Variants in TRAPPC9 observed in about 807,000 individuals in gnomAD.
TRAPPC9 encodes trafficking protein particle complex subunit 9.
Under a neutral mutation model 124.0 loss-of-function variants are expected in TRAPPC9, and 83 were observed. That is an observed-to-expected ratio of 0.67 (90% CI 0.56 to 0.80). The LOEUF is 0.80. TRAPPC9 is among the 30% of genes least tolerant of loss of function. The pLI is 0.00. For synonymous variants in TRAPPC9, 638 were observed against 617.5 expected, an observed-to-expected ratio of 1.03 and a Z score of -0.49; for missense variants, 1,302 against 1,508.3, an observed-to-expected ratio of 0.86 and a Z score of 2.27.
At chr8:139,836,526 T>C (rs1426040194) in intron 21 of TRAPPC9, among the ~76,000 whole-genome samples, 2 of 152,218 alleles carry the variant, frequency 1.3e-5, no homozygotes, top group Admixed American at 6.5e-5. Flanking sequence ...AGCCCAGGCC[T>C]GCATGAAGCC....
intron 9 of TRAPPC9, among the ~76,000 whole-genome samples, chr8:140,325,080 A>C (rs1357203719): frequency 6.6e-6 from 1 of 152,234 alleles, no homozygotes; most frequent in Non-Finnish European, 1.5e-5. Context: ...CAAATACCTG[A>C]AAAGTAAGCA....
At chr8:140,149,395 G>T (rs573076873) in intron 17 of TRAPPC9, among the ~76,000 whole-genome samples, 107 of 152,300 alleles carry the variant, frequency 7.0e-4, no homozygotes, top group Admixed American at 1.7e-3. Flanking sequence ...CAAGGTGGGT[G>T]GATCACTTGA....
chr8:140,347,422 A>C (rs1298637940), intron 9 of TRAPPC9, among the ~76,000 whole-genome samples: 1 of 152,240 alleles, frequency 6.6e-6, no homozygotes, highest in African/African-American at 2.4e-5. Context: ...ATGTGCACTG[A>C]CAAAGACTCT....
chr8:139,826,656 C>T (rs1825665270), intron 21 of TRAPPC9, among the ~76,000 whole-genome samples: 1 of 152,202 alleles, frequency 6.6e-6, no homozygotes, highest in South Asian at 2.1e-4. Context: ...GTGAGGCTGT[C>T]AGCCTGGCCC....
intron 18 of TRAPPC9, among the ~76,000 whole-genome samples, chr8:140,012,478 C>T (rs193070431): frequency 1.7e-3 from 264 of 152,348 alleles, no homozygotes; most frequent in Non-Finnish European, 2.1e-3. Flanking sequence ...AGGCTTGCCA[C>T]GCATCAGGCA....
At chr8:140,411,056 G>T (rs972286185) in intron 5 of TRAPPC9, among the ~76,000 whole-genome samples, 5 of 152,106 alleles carry the variant, frequency 3.3e-5, no homozygotes, top group African/African-American at 1.2e-4. Context: ...AGCACCCTGT[G>T]TATTTATCCT....
Position 140,061,371 on chromosome 8 carries a change from C to T in TRAPPC9, c.2557-37292G>A, listed in dbSNP as rs192043378. Reference sequence around the variant, plus strand: ...TTGATTCTTCTAATCAAGAGCATTTCGTGAATACCTAATATGTGCCAGATG... The same window carrying T: ...TTGATTCTTCTAATCAAGAGCATTTTGTGAATACCTAATATGTGCCAGATG... On this transcript the variant is annotated intron_variant, in intron 17 of 22. Coordinates refer to ENST00000438773, the MANE Select transcript of TRAPPC9 (RefSeq NM_001160372.4). Among the ~76,000 whole-genome samples, 29 of 152,242 alleles carry T rather than the reference C, an allele frequency of 1.9e-4. No homozygotes were observed. In the East Asian group the frequency reaches 3.9e-3, roughly 20 times the overall value.
chr8:139,862,528 G>A (rs897036500), intron 21 of TRAPPC9, among the ~76,000 whole-genome samples: 1 of 152,224 alleles, frequency 6.6e-6, no homozygotes, highest in African/African-American at 2.4e-5. Context: ...CTTCAAAGGG[G>A]CCCAGAGGCG....
At chr8:140,336,467 A>G (rs1478148260) in intron 9 of TRAPPC9, among the ~76,000 whole-genome samples, 1 of 152,140 alleles carries the variant, frequency 6.6e-6, no homozygotes, top group Non-Finnish European at 1.5e-5. Context: ...TAGAAAATGC[A>G]CCACTTCTTT....
chr8:140,303,422 C>T (rs1037114305), intron 10 of TRAPPC9, among the ~76,000 whole-genome samples: 2 of 152,226 alleles, frequency 1.3e-5, no homozygotes, highest in Admixed American at 1.3e-4. Flanking sequence ...TTACTAGGGG[C>T]CTGATAGACT....
intron 11 of TRAPPC9, among the ~76,000 whole-genome samples, chr8:140,292,787 T>C (rs940390073): frequency 3.4e-5 from 5 of 147,898 alleles, no homozygotes; most frequent in East Asian, 1.9e-4. Flanking sequence ...GGCAATACCA[T>C]TCAGGACATA....
At chr8:140,390,205 TG>T (rs1363505908) in intron 7 of TRAPPC9, among the ~76,000 whole-genome samples, 1 of 152,050 alleles carries the variant, frequency 6.6e-6, no homozygotes, top group Non-Finnish European at 1.5e-5. Flanking sequence ...CTTGTGAGGC[TG>T]AGGCAGGAGA....
intron 21 of TRAPPC9, among the ~76,000 whole-genome samples, chr8:139,780,664 A>C (rs1821749762): frequency 6.6e-6 from 1 of 152,188 alleles, no homozygotes; most frequent in Non-Finnish European, 1.5e-5. Context: ...CAGTGAAAGA[A>C]AGAACTGGTA....
In TRAPPC9 at chr8:140,280,833, G is replaced by A. The variant is rs182744492; in HGVS notation, c.2114+3056C>T. ...ACACCACTGGCAGTCTCAGGCAGCC[G>A]CTGAGCTGTGTCCTGCCACTAGAGA... On this transcript the variant is annotated intron_variant, in intron 14 of 22. Coordinates refer to ENST00000438773, the MANE Select transcript of TRAPPC9 (RefSeq NM_001160372.4). Among the ~76,000 whole-genome samples, 11 of 152,318 alleles carry A rather than the reference G, an allele frequency of 7.2e-5. No homozygotes were observed. The East Asian group carries it at 1.5e-3, about 21-fold the overall frequency.
At chr8:139,909,340 T>A (rs183462741) in intron 20 of TRAPPC9, among the ~76,000 whole-genome samples, 1 of 152,266 alleles carries the variant, frequency 6.6e-6, no homozygotes, top group East Asian at 1.9e-4. Context: ...AAATGTCACC[T>A]CCTCTATGAA....
At chr8:140,033,655 GTGGTTTTTTTTTTTTTTTT>G (rs1563706461) in intron 17 of TRAPPC9, among the ~76,000 whole-genome samples, 7 of 55,482 alleles carry the variant, frequency 1.3e-4, no homozygotes, top group African/African-American at 2.4e-4. Context: ...TCTTCATAAT[GTGGTTTTTTTTTTTTTTTT>G]TTTTTTTTTT....
In TRAPPC9 at chr8:140,184,972, A is replaced by G. The variant is rs1388601494; in HGVS notation, c.2556+36487T>C. Among the ~76,000 whole-genome samples, 5 of 152,356 alleles carry G rather than the reference A, an allele frequency of 3.3e-5. No individual in the cohort carries two copies. In the East Asian group the frequency reaches 9.6e-4, roughly 29 times the overall value. ...ATTTGCAAAGAAGCAATAAACAAAA[A>G]TAAAATAATTTTTTATTCTTAAGTT... On this transcript the variant is annotated intron_variant, in intron 17 of 22. Transcript: ENST00000438773.
chr8:139,836,924 T>A (rs1826395937), intron 21 of TRAPPC9, among the ~76,000 whole-genome samples: 1 of 152,078 alleles, frequency 6.6e-6, no homozygotes. Context: ...GCTCCTTCTG[T>A]CTCTGTGGGT....
intron 18 of TRAPPC9, among the ~76,000 whole-genome samples, chr8:140,020,373 C>T (rs1040252053): frequency 6.6e-6 from 1 of 152,160 alleles, no homozygotes; most frequent in African/African-American, 2.4e-5. Context: ...TAAATAACAA[C>T]TAGGCACTTT....
Sources: gnomAD v4.1 joint callset for allele counts (sites outside exome capture counted in the v4.1 genomes callset) on GRCh38, gnomAD v4.1.1 for gene constraint, MANE v1.5 for transcripts, NCBI Gene and HGNC (gene_info 2026-07-23, HGNC 2026-07-21) for gene names.